ADAMTSL1: variants seen among roughly 807,000 people sequenced by gnomAD.
The protein encoded by ADAMTSL1 is ADAMTS like 1.
A neutral mutation model predicts 201.8 loss-of-function variants in ADAMTSL1; 126 were observed. That is an observed-to-expected ratio of 0.62 (90% confidence interval 0.54 to 0.72). ADAMTSL1 has a LOEUF of 0.72. Among genes scored for constraint, ADAMTSL1 ranks in the 30% least tolerant of loss-of-function variants. The pLI is 0.00. For missense variants in ADAMTSL1, 2,679 were observed against 2,277.8 expected (o/e 1.18, Z -3.59); for synonymous variants, 1,121 against 903.4 (o/e 1.24, Z -4.32).
At chr9:18,831,467 G>C (rs975759788) in intron 23 of ADAMTSL1, among the ~76,000 whole-genome samples, 6 of 152,138 alleles carry the variant, frequency 3.9e-5, no homozygotes, top group African/African-American at 1.4e-4. Context: ...GGGTCACTCA[G>C]GTGCCATTTA....
chr9:18,868,831 G>A (rs548130270), intron 23 of ADAMTSL1, among the ~76,000 whole-genome samples: 98 of 152,198 alleles, frequency 6.4e-4, no homozygotes, highest in African/African-American at 2.3e-3. Flanking sequence ...TCTCTTCTTT[G>A]TCTCATCAAT....
At chr9:18,558,705 A>G (rs1400921788) in intron 3 of ADAMTSL1, among the ~76,000 whole-genome samples, 2 of 152,158 alleles carry the variant, frequency 1.3e-5, no homozygotes, top group Non-Finnish European at 2.9e-5. Flanking sequence ...TCACCATTCT[A>G]ACTGGCATGA....
chr9:18,217,031 T>G (rs754223113), intron 2 of ADAMTSL1, among the ~76,000 whole-genome samples: 2 of 152,010 alleles, frequency 1.3e-5, no homozygotes, highest in African/African-American at 2.4e-5. Context: ...AGGGGTCAAG[T>G]AGAGAATAAA....
intron 1 of ADAMTSL1, among the ~76,000 whole-genome samples, chr9:18,025,816 A>C (rs1820669826): frequency 6.6e-6 from 1 of 152,122 alleles, no homozygotes; most frequent in Middle Eastern, 3.4e-3. Context: ...TGATAGGAGT[A>C]GTGTTGAATC....
intron 24 of ADAMTSL1, 121 bp from the exon 25 acceptor site, chr9:18,889,447 C>T: frequency 3.8e-6 from 4 of 1,061,526 alleles, no homozygotes; most frequent in Non-Finnish European, 5.4e-6. Flanking sequence ...TTTATAATAG[C>T]TCCTCTCCTT....
intron 7 of ADAMTSL1, among the ~76,000 whole-genome samples, chr9:18,647,656 T>C (rs1318685374): frequency 3.3e-5 from 5 of 151,412 alleles, no homozygotes; most frequent in African/African-American, 1.2e-4. Context: ...CCAGTAGTCA[T>C]TCAGGAGCAG....
intron 14 of ADAMTSL1, among the ~76,000 whole-genome samples, chr9:18,715,756 C>T (rs1041357829): frequency 2.6e-5 from 4 of 151,338 alleles, no homozygotes; most frequent in Admixed American, 6.6e-5. Flanking sequence ...CATATGGAAC[C>T]AAAAAAGAGC....
chr9:18,703,901 G>A (rs1171648083), intron 13 of ADAMTSL1, among the ~76,000 whole-genome samples: 1 of 151,660 alleles, frequency 6.6e-6, no homozygotes, highest in Non-Finnish European at 1.5e-5. Flanking sequence ...GCAGAGCTAA[G>A]AGTCTAGTTT....
intron 2 of ADAMTSL1, among the ~76,000 whole-genome samples, chr9:18,273,600 A>G (rs1832470105): frequency 6.6e-6 from 1 of 152,196 alleles, no homozygotes; most frequent in African/African-American, 2.4e-5. Context: ...TATTCTCAAC[A>G]AATTTAGTCC....
intron 1 of ADAMTSL1, among the ~76,000 whole-genome samples, chr9:18,107,283 C>A (rs1043643095): frequency 3.9e-5 from 6 of 152,140 alleles, no homozygotes; most frequent in South Asian, 2.1e-4. Context: ...CCTAATCCAG[C>A]AGTTTTACAT....
At chr9:18,155,048 CA>C (rs1317594105) in intron 1 of ADAMTSL1, among the ~76,000 whole-genome samples, 1 of 151,896 alleles carries the variant, frequency 6.6e-6, no homozygotes, top group Non-Finnish European at 1.5e-5. Context: ...CTTATAATGC[CA>C]AAGCACTATC....
intron 2 of ADAMTSL1, among the ~76,000 whole-genome samples, chr9:18,196,029 A>T (rs1829162116): frequency 6.6e-6 from 1 of 152,166 alleles, no homozygotes; most frequent in Admixed American, 6.6e-5. Context: ...AGGACTGGTC[A>T]AATAAGTTTG....
At chr9:18,254,453 C>G (rs1289820638) in intron 2 of ADAMTSL1, among the ~76,000 whole-genome samples, 1 of 144,676 alleles carries the variant, frequency 6.9e-6, no homozygotes, top group Non-Finnish European at 1.5e-5. Context: ...AGCTCCACCT[C>G]CCGGGTTCAC....
At chr9:18,027,874 T>C (rs1214160346) in intron 1 of ADAMTSL1, among the ~76,000 whole-genome samples, 2 of 152,062 alleles carry the variant, frequency 1.3e-5, no homozygotes, top group Admixed American at 1.3e-4. Context: ...GAAGTATTTG[T>C]TTTATAAATC....
chr9:18,827,410 TAG>T (rs1824647168), intron 22 of ADAMTSL1, among the ~76,000 whole-genome samples: 1 of 152,056 alleles, frequency 6.6e-6, no homozygotes, highest in East Asian at 1.9e-4. Flanking sequence ...TACCAACACA[TAG>T]GTCCTTCTAG....
At chr9:18,361,569 A>G (rs932701832) in intron 2 of ADAMTSL1, among the ~76,000 whole-genome samples, 40 of 152,104 alleles carry the variant, frequency 2.6e-4, no homozygotes, top group African/African-American at 9.4e-4. Context: ...GGGAAATTAT[A>G]TTTTCAGCAT....
intron 2 of ADAMTSL1, among the ~76,000 whole-genome samples, chr9:18,229,665 T>A (rs1294113718): frequency 1.3e-5 from 2 of 152,016 alleles, no homozygotes; most frequent in African/African-American, 4.8e-5. Context: ...TAATTTGATA[T>A]GATTCTTTGA....
chr9:18,426,812 T>C (rs940444540), intron 2 of ADAMTSL1, among the ~76,000 whole-genome samples: 8 of 152,182 alleles, frequency 5.3e-5, no homozygotes, highest in African/African-American at 1.9e-4. Context: ...TCTAAATTTT[T>C]ATGCTCGTAA....
At chr9:18,784,343 G>A (rs924093845) in intron 19 of ADAMTSL1, among the ~76,000 whole-genome samples, 7 of 152,090 alleles carry the variant, frequency 4.6e-5, no homozygotes, top group Admixed American at 2.6e-4. Context: ...TATTTTCTCC[G>A]TAATTCTAAG....
Sources: allele counts gnomAD v4.1 joint callset (sites outside exome capture counted in the v4.1 genomes callset), GRCh38; gene constraint gnomAD v4.1.1; transcripts MANE v1.5; gene names NCBI Gene and HGNC (gene_info 2026-07-23, HGNC 2026-07-21).